The following S100Z variants were observed in gnomAD, a reference collection of about 807,000 sequenced individuals.
The protein encoded by S100Z is protein S100-Z.
A neutral mutation model predicts 8.5 loss-of-function variants in S100Z; 11 were observed. That is an observed-to-expected ratio of 1.30 (90% CI 0.82 to 2.15). S100Z has a LOEUF of 2.15. S100Z is among the 30% of genes most tolerant of loss of function. The probability of loss-of-function intolerance (pLI) is 0.00; values close to 1 mark genes in which losing one functional copy is unlikely to be tolerated. For missense variants in S100Z, 126 were observed against 117.9 expected, an observed-to-expected ratio of 1.07 and a Z score of -0.32; for synonymous variants, 34 against 43.8, an observed-to-expected ratio of 0.78 and a Z score of 0.89.
chr5:76,862,035 T>C (rs1008715388), intron 1 of S100Z, among the ~76,000 whole-genome samples: 2 of 152,176 alleles, frequency 1.3e-5, no homozygotes, highest in African/African-American at 4.8e-5. Context: ...TAATTCTCCA[T>C]GTATTCAATG....
intron 4 of S100Z, among the ~76,000 whole-genome samples, chr5:76,889,948 A>C (rs567621927): frequency 6.6e-6 from 1 of 152,232 alleles, no homozygotes; most frequent in Non-Finnish European, 1.5e-5. Flanking sequence ...CTTGCTTGAG[A>C]CCCTGGGTTT....
chr5:76,931,807 C>CT, the S100Z span, among the ~76,000 whole-genome samples: 2 of 130,000 alleles, frequency 1.5e-5, no homozygotes, highest in African/African-American at 2.8e-5. Context: ...TTTTATTCTT[C>CT]TTTTTTTTTG....
chr5:76,891,767 A>G (rs956560057), intron 4 of S100Z, among the ~76,000 whole-genome samples: 6 of 151,706 alleles, frequency 4.0e-5, no homozygotes, highest in Admixed American at 2.6e-4. Context: ...CAGAGGGTGC[A>G]GGGGAAGAGG....
intron 1 of S100Z, among the ~76,000 whole-genome samples, chr5:76,853,978 C>T (rs1425410332): frequency 6.6e-6 from 1 of 151,974 alleles, no homozygotes; most frequent in Non-Finnish European, 1.5e-5. Flanking sequence ...TTCTTTCTTC[C>T]TCCTGCTCTG....
chr5:76,869,656 T>C (rs540752229), intron 1 of S100Z, among the ~76,000 whole-genome samples: 1 of 152,158 alleles, frequency 6.6e-6, no homozygotes, highest in Non-Finnish European at 1.5e-5. Flanking sequence ...ACTGCAGTAA[T>C]AGGGACCAAA....
chr5:76,945,658 T>A, the S100Z span, among the ~76,000 whole-genome samples: 2 of 152,236 alleles, frequency 1.3e-5, no homozygotes, highest in African/African-American at 4.8e-5. Flanking sequence ...TCCCTTGAAC[T>A]TATTTGTGAC....
intron 1 of S100Z, among the ~76,000 whole-genome samples, chr5:76,852,072 AG>A (rs1461646381): frequency 2.0e-5 from 3 of 148,592 alleles, no homozygotes; most frequent in Admixed American, 6.6e-5. Context: ...AAAAAAAAAA[AG>A]TGAAGTTCTG....
At chr5:76,884,800 C>G (rs993445125) in intron 4 of S100Z, among the ~76,000 whole-genome samples, 6 of 151,958 alleles carry the variant, frequency 3.9e-5, no homozygotes, top group African/African-American at 1.5e-4. Flanking sequence ...CCTGGCTTGG[C>G]CTGGCGAGGA....
At chr5:76,860,821 C>T (rs1403952149) in intron 1 of S100Z, among the ~76,000 whole-genome samples, 5 of 152,186 alleles carry the variant, frequency 3.3e-5, no homozygotes, top group South Asian at 2.1e-4. Context: ...TAGGAAACAG[C>T]GCCTTCTCCT....
At chr5:76,932,707 G>A in the S100Z span, among the ~76,000 whole-genome samples, 2 of 152,108 alleles carry the variant, frequency 1.3e-5, no homozygotes, top group East Asian at 1.9e-4. Flanking sequence ...CTGTGTGGCC[G>A]ACCCCTTCCC....
At chr5:76,886,994 C>T (rs1414155816) in intron 4 of S100Z, among the ~76,000 whole-genome samples, 1 of 152,078 alleles carries the variant, frequency 6.6e-6, no homozygotes, top group East Asian at 1.9e-4. Flanking sequence ...GATATGATGG[C>T]TTAGCTTGGG....
At chr5:76,902,827 C>T (rs1275121467) in intron 4 of S100Z, among the ~76,000 whole-genome samples, 3 of 152,072 alleles carry the variant, frequency 2.0e-5, no homozygotes, top group Non-Finnish European at 4.4e-5. Context: ...ATTTTGCAAA[C>T]TATATACGTT....
At chr5:76,945,507 T>C in the S100Z span, among the ~76,000 whole-genome samples, 7,142 of 152,278 alleles carry the variant, frequency 0.047, 191 homozygotes, top group Middle Eastern at 0.071. Context: ...TGTTCTATTC[T>C]GAGATAGGAG....
chr5:76,868,461 C>A (rs1337131173), intron 1 of S100Z, among the ~76,000 whole-genome samples: 1 of 152,076 alleles, frequency 6.6e-6, no homozygotes, highest in Non-Finnish European at 1.5e-5. Context: ...GGAGTTTTAC[C>A]TGCCAACTGA....
At chr5:76,925,457 C>T (rs1383596361), downstream of S100Z, among the ~76,000 whole-genome samples, 1 of 152,190 alleles carries the variant, frequency 6.6e-6, no homozygotes, top group African/African-American at 2.4e-5. Flanking sequence ...CCAGGAGAAA[C>T]AGGGTTCACC....
the S100Z span, among the ~76,000 whole-genome samples, chr5:76,936,615 C>CCA: frequency 3.3e-5 from 2 of 60,470 alleles, no homozygotes; most frequent in Non-Finnish European, 7.1e-5. Flanking sequence ...ATTAAAGTTC[C>CCA]TACACACACA....
chr5:76,892,190 T>C (rs1164082481), intron 4 of S100Z, among the ~76,000 whole-genome samples: 1 of 152,164 alleles, frequency 6.6e-6, no homozygotes, highest in African/African-American at 2.4e-5. Context: ...ATGGTAATGG[T>C]GATACAGTAA....
intron 1 of S100Z, among the ~76,000 whole-genome samples, chr5:76,863,711 T>TG (rs1751149079): frequency 6.6e-6 from 1 of 151,866 alleles, no homozygotes; most frequent in South Asian, 2.1e-4. Flanking sequence ...GCTAATTTTT[T>TG]GTATTTTTAG....
chr5:76,907,015 T>TACAC (rs1744475672), intron 4 of S100Z, among the ~76,000 whole-genome samples: 1 of 112,236 alleles, frequency 8.9e-6, no homozygotes. Context: ...TATATATATA[T>TACAC]ATATATATAC....
Sources: gnomAD v4.1 joint callset for allele counts (sites outside exome capture counted in the v4.1 genomes callset) on GRCh38, gnomAD v4.1.1 for gene constraint, MANE v1.5 for transcripts, NCBI Gene and HGNC (gene_info 2026-07-23, HGNC 2026-07-21) for gene names.